The following TAS2R1 variants were observed in gnomAD, a reference collection of about 807,000 sequenced individuals.
TAS2R1 encodes the protein taste 2 receptor member 1.
For missense variants in TAS2R1, 370 were observed against 353.4 expected, an observed-to-expected ratio of 1.05 and a Z score of -0.38; for synonymous variants, 141 against 134.2, an observed-to-expected ratio of 1.05 and a Z score of -0.35.
chr5:9,718,227 C>A, the TAS2R1 span, among the ~76,000 whole-genome samples: 1 of 151,864 alleles, frequency 6.6e-6, no homozygotes, highest in Non-Finnish European at 1.5e-5. Flanking sequence ...CCTTGGCCTC[C>A]CAAAGTGTTG....
chr5:9,704,434 C>T lies in TAS2R1; in HGVS notation c.-242+7738G>A, dbSNP rs73743135. ...ATAGTTCCCATGAGCTGCAAGCTGG[C>T]TGCTCGTGAGCTGTGGTGAGATTTA... On this transcript the variant is annotated intron_variant, in intron 1 of 2. Transcript: ENST00000506620. Among the ~76,000 whole-genome samples the T allele has an allele frequency of 5.7e-3, 872 of 151,980 alleles. 12 individuals carry two copies. Among genetic ancestry groups the T allele is most frequent in the African/African-American group, 0.02 (831 of 41,436 alleles).
At chr5:9,706,175 CCTG>C (rs1355176106) in intron 1 of TAS2R1, among the ~76,000 whole-genome samples, 1 of 152,208 alleles carries the variant, frequency 6.6e-6, no homozygotes, top group Non-Finnish European at 1.5e-5. Context: ...TAATTATATA[CCTG>C]CTACTACAAA....
At chr5:9,861,737 C>T in the TAS2R1 span, among the ~76,000 whole-genome samples, 2 of 152,178 alleles carry the variant, frequency 1.3e-5, no homozygotes, top group South Asian at 4.1e-4. Flanking sequence ...TGTACCCTCT[C>T]GCAGGACTTC....
upstream of TAS2R1, among the ~76,000 whole-genome samples, chr5:9,712,705 A>G (rs1402348664): frequency 6.6e-6 from 1 of 152,194 alleles, no homozygotes; most frequent in Non-Finnish European, 1.5e-5. Flanking sequence ...TCAACTCTTT[A>G]AAGTAAATAA....
chr5:9,633,304 A>T (rs1043423504), upstream of TAS2R1, among the ~76,000 whole-genome samples: 40 of 95,520 alleles, frequency 4.2e-4, 1 homozygote, highest in African/African-American at 1.6e-3. Flanking sequence ...TTATATATAT[A>T]TATATATATA....
At chr5:9,681,974 A>G (rs956479192) in intron 1 of TAS2R1, among the ~76,000 whole-genome samples, 5 of 152,164 alleles carry the variant, frequency 3.3e-5, no homozygotes, top group Admixed American at 2.0e-4. Flanking sequence ...GGTTGTTTTA[A>G]TTGCCTGTGT....
the TAS2R1 span, among the ~76,000 whole-genome samples, chr5:9,726,052 A>G: frequency 2.1e-5 from 3 of 146,078 alleles, no homozygotes; most frequent in East Asian, 5.9e-4. Flanking sequence ...GAATGCACCA[A>G]TCGACACCCT....
chr5:9,786,248 A>T, the TAS2R1 span, among the ~76,000 whole-genome samples: 2 of 152,210 alleles, frequency 1.3e-5, no homozygotes, highest in Non-Finnish European at 2.9e-5. Context: ...AATGGCTAAG[A>T]TTGTCATGCT....
At chr5:9,809,690 T>C in the TAS2R1 span, among the ~76,000 whole-genome samples, 2 of 152,318 alleles carry the variant, frequency 1.3e-5, no homozygotes, top group African/African-American at 2.4e-5. Context: ...CTTTTCTTCA[T>C]GTCCAGCTTA....
At chr5:9,713,741 G>C (rs528006946), upstream of TAS2R1, 1 of 152,316 alleles carries the variant, frequency 6.6e-6, no homozygotes, top group Admixed American at 6.5e-5. Context: ...GTGCAGTTAG[G>C]AGAGACAAGG....
chr5:9,683,726 A>C (rs899730794), intron 1 of TAS2R1, among the ~76,000 whole-genome samples: 1 of 152,208 alleles, frequency 6.6e-6, no homozygotes, highest in Non-Finnish European at 1.5e-5. Context: ...TGGAGTTTGC[A>C]TGTGAAATAA....
chr5:9,878,656 G>A, the TAS2R1 span, among the ~76,000 whole-genome samples: 2 of 152,288 alleles, frequency 1.3e-5, no homozygotes, highest in Admixed American at 1.3e-4. Context: ...AGCTCCAAAC[G>A]TAGTAATCAT....
chr5:9,705,613 C>A (rs1446025009), intron 1 of TAS2R1, among the ~76,000 whole-genome samples: 4 of 152,094 alleles, frequency 2.6e-5, no homozygotes, highest in Admixed American at 1.3e-4. Context: ...AATCGCAGCA[C>A]TTTGGAAGGC....
upstream of TAS2R1, among the ~76,000 whole-genome samples, chr5:9,634,578 G>A (rs1387648005): frequency 6.6e-6 from 1 of 152,106 alleles, no homozygotes; most frequent in African/African-American, 2.4e-5. Flanking sequence ...CCATCCATGA[G>A]CATGGGATGT....
At chr5:9,759,624 G>A in the TAS2R1 span, among the ~76,000 whole-genome samples, 3 of 152,104 alleles carry the variant, frequency 2.0e-5, no homozygotes, top group Non-Finnish European at 2.9e-5. Context: ...AATAGTTATC[G>A]AGTTTTTCTG....
the TAS2R1 span, among the ~76,000 whole-genome samples, chr5:9,792,511 T>C: frequency 6.6e-6 from 1 of 152,192 alleles, no homozygotes. Flanking sequence ...ACCCGACTTT[T>C]GAAGTGGAAA....
chr5:9,726,096 C>A, the TAS2R1 span, among the ~76,000 whole-genome samples: 1 of 151,972 alleles, frequency 6.6e-6, no homozygotes. Context: ...CTTGGAGAAC[C>A]TTTATGTCTA....
the TAS2R1 span, among the ~76,000 whole-genome samples, chr5:9,833,023 C>T: frequency 6.6e-6 from 1 of 152,184 alleles, no homozygotes; most frequent in Non-Finnish European, 1.5e-5. Flanking sequence ...GAGGCAGAGG[C>T]TTTCAGGACA....
At chr5:9,716,373 T>C (rs1734811990), upstream of TAS2R1, among the ~76,000 whole-genome samples, 1 of 152,084 alleles carries the variant, frequency 6.6e-6, no homozygotes, top group Admixed American at 6.5e-5. Context: ...AACCCTGCTT[T>C]TCTCACCCTT....
Sources: gnomAD v4.1 joint callset for allele counts (sites outside exome capture counted in the v4.1 genomes callset) on GRCh38, gnomAD v4.1.1 for gene constraint, MANE v1.5 for transcripts, NCBI Gene and HGNC (gene_info 2026-07-23, HGNC 2026-07-21) for gene names.